CLYBL: variants seen among roughly 807,000 people sequenced by gnomAD.
The protein encoded by CLYBL is citramalyl-CoA lyase.
CLYBL carries 31 observed loss-of-function variants against 38.9 expected under a neutral mutation model. The ratio of observed to expected loss-of-function variants is 0.80; its 90% CI spans 0.60 to 1.08. CLYBL has a LOEUF of 1.08. Ranked by LOEUF, CLYBL falls within the 50% of genes least tolerant of loss-of-function variation. CLYBL has a pLI of 0.00. For missense variants in CLYBL, 434 were observed against 411.6 expected (o/e 1.05, Z -0.47); for synonymous variants, 171 against 158.6 (o/e 1.08, Z -0.59).
intron 4 of CLYBL, among the ~76,000 whole-genome samples, chr13:99,863,915 C>G (rs770056811): frequency 6.6e-6 from 1 of 152,128 alleles, no homozygotes; most frequent in African/African-American, 2.4e-5. Flanking sequence ...AATGTGTGAG[C>G]GGCAACTTTG....
chr13:99,718,080 A>C (rs2048343886), intron 1 of CLYBL, among the ~76,000 whole-genome samples: 1 of 147,412 alleles, frequency 6.8e-6, no homozygotes, highest in Non-Finnish European at 1.5e-5. Flanking sequence ...GGTCTCCCTA[A>C]GTTGCCCAGG....
At chr13:99,845,774 C>T (rs2051189569) in intron 2 of CLYBL, among the ~76,000 whole-genome samples, 1 of 152,256 alleles carries the variant, frequency 6.6e-6, no homozygotes, top group Admixed American at 6.5e-5. Flanking sequence ...TTAGCTGTAA[C>T]AGCCTCTGTT....
intron 2 of CLYBL, among the ~76,000 whole-genome samples, chr13:99,822,707 A>G (rs555580382): frequency 3.0e-4 from 45 of 152,348 alleles, no homozygotes; most frequent in African/African-American, 1.0e-3. Flanking sequence ...ACTGTGCCCC[A>G]AAGTGTTGAG....
chr13:99,795,970 T>C (rs1325090877), intron 2 of CLYBL, among the ~76,000 whole-genome samples: 1 of 152,168 alleles, frequency 6.6e-6, no homozygotes, highest in African/African-American at 2.4e-5. Flanking sequence ...TGTCAAGAGT[T>C]TCTCTTTCCT....
chr13:99,722,451 T>C (rs2048408206), intron 1 of CLYBL, among the ~76,000 whole-genome samples: 1 of 151,848 alleles, frequency 6.6e-6, no homozygotes. Flanking sequence ...GATTTTCCAA[T>C]AGCTGTGTGT....
At chr13:99,780,035 C>A (rs977195846) in intron 2 of CLYBL, among the ~76,000 whole-genome samples, 2 of 152,006 alleles carry the variant, frequency 1.3e-5, no homozygotes, top group African/African-American at 4.8e-5. Flanking sequence ...ATATACAAAT[C>A]TTTACCGACT....
chr13:99,862,742 G>A (rs1473222535), intron 3 of CLYBL, among the ~76,000 whole-genome samples: 10 of 152,088 alleles, frequency 6.6e-5, no homozygotes, highest in South Asian at 4.1e-4. Flanking sequence ...CTAACTCCTA[G>A]GCCTCAAGTT....
intron 6 of CLYBL, among the ~76,000 whole-genome samples, chr13:99,870,064 A>G (rs1411665163): frequency 2.0e-5 from 3 of 152,084 alleles, no homozygotes; most frequent in Non-Finnish European, 2.9e-5. Context: ...TTCATTTAAA[A>G]TCTTTCAACT....
chr13:99,848,719 C>T (rs1055399752), intron 2 of CLYBL, among the ~76,000 whole-genome samples: 2 of 152,236 alleles, frequency 1.3e-5, no homozygotes, highest in Non-Finnish European at 2.9e-5. Context: ...TGCTGCCCTG[C>T]TAGAAACCAG....
At chr13:99,718,375 A>G (rs2048348914) in intron 1 of CLYBL, among the ~76,000 whole-genome samples, 3 of 125,028 alleles carry the variant, frequency 2.4e-5, no homozygotes, top group African/African-American at 1.3e-4. Flanking sequence ...TAAAAAAAAG[A>G]AAAAAAAAAA....
intron 2 of CLYBL, among the ~76,000 whole-genome samples, chr13:99,847,428 A>C (rs2051231371): frequency 6.6e-6 from 1 of 152,214 alleles, no homozygotes; most frequent in Non-Finnish European, 1.5e-5. Context: ...TACCTCCTCT[A>C]ACCCGGAGAA....
At chr13:99,710,846 C>G (rs1397185589) in intron 1 of CLYBL, among the ~76,000 whole-genome samples, 2 of 149,538 alleles carry the variant, frequency 1.3e-5, no homozygotes, top group South Asian at 2.1e-4. Context: ...TTCAAGCTAT[C>G]GACAAGTCTC....
intron 1 of CLYBL, among the ~76,000 whole-genome samples, chr13:99,687,935 A>G (rs1261683347): frequency 6.6e-6 from 1 of 152,228 alleles, no homozygotes; most frequent in Non-Finnish European, 1.5e-5. Context: ...AAGCCCAGGA[A>G]CAATGCAAAT....
chr13:99,836,458 G>A (rs1159164944), intron 2 of CLYBL, among the ~76,000 whole-genome samples: 1 of 152,178 alleles, frequency 6.6e-6, no homozygotes, highest in Non-Finnish European at 1.5e-5. Context: ...AAGGTAGGAG[G>A]TAGGGCCAGG....
chr13:99,884,855 C>G (rs1249180364), intron 7 of CLYBL: 1 of 411,926 alleles, frequency 2.4e-6, no homozygotes, highest in African/African-American at 2.1e-5. Context: ...CTTAAAGATT[C>G]AGCAGGGATG....
chr13:99,886,415 T>C (rs1378057729), intron 7 of CLYBL, among the ~76,000 whole-genome samples: 1 of 152,286 alleles, frequency 6.6e-6, no homozygotes. Context: ...AGTGCTTATC[T>C]GATCCACGGG....
chr13:99,639,927 A>C (rs961734284), intron 1 of CLYBL, among the ~76,000 whole-genome samples: 2 of 152,258 alleles, frequency 1.3e-5, no homozygotes, highest in Non-Finnish European at 2.9e-5. Context: ...GCCTGAGTAC[A>C]TGATTTGAAT....
chr13:99,690,042 T>C (rs889955547), intron 1 of CLYBL: 1 of 152,264 alleles, frequency 6.6e-6, no homozygotes, highest in African/African-American at 2.4e-5. Flanking sequence ...GAAATTTACA[T>C]GTGGCCTAAA....
intron 1 of CLYBL, among the ~76,000 whole-genome samples, chr13:99,679,777 C>A (rs1381029034): frequency 1.3e-5 from 2 of 152,038 alleles, no homozygotes; most frequent in Non-Finnish European, 2.9e-5. Flanking sequence ...AAAAGCATTT[C>A]TATGGATTCC....
Sources: gnomAD v4.1 joint callset for allele counts (sites outside exome capture counted in the v4.1 genomes callset) on GRCh38, gnomAD v4.1.1 for gene constraint, MANE v1.5 for transcripts, NCBI Gene and HGNC (gene_info 2026-07-23, HGNC 2026-07-21) for gene names.